The following IGF1R variants were observed in gnomAD, a reference collection of about 807,000 sequenced individuals.
IGF1R encodes the protein insulin like growth factor 1 receptor.
A neutral mutation model predicts 144.6 loss-of-function variants in IGF1R; 44 were observed. The ratio of observed to expected loss-of-function variants is 0.30; its 90% confidence interval spans 0.24 to 0.39. The LOEUF (loss-of-function observed/expected upper bound fraction) is 0.39, where lower values mean the gene tolerates loss of function less well. Ranked by LOEUF, IGF1R falls within the 10% of genes least tolerant of loss-of-function variation. IGF1R has a pLI of 1.00. For missense variants in IGF1R, 1,355 were observed against 1,833.7 expected, an observed-to-expected ratio of 0.74 and a Z score of 4.77; for synonymous variants, 795 against 722.8, an observed-to-expected ratio of 1.10 and a Z score of -1.60.
intron 2 of IGF1R, among the ~76,000 whole-genome samples, chr15:98,854,537 C>T (rs1443711723): frequency 6.6e-6 from 1 of 152,180 alleles, no homozygotes; most frequent in African/African-American, 2.4e-5. Flanking sequence ...CTCAGGGTGG[C>T]AGGGTGAATT....
intron 2 of IGF1R, among the ~76,000 whole-genome samples, chr15:98,816,546 C>T (rs1439543712): frequency 1.3e-5 from 2 of 152,186 alleles, no homozygotes; most frequent in Admixed American, 6.5e-5. Flanking sequence ...CAAAGTTGGG[C>T]TCTTGAGAAG....
rs754963187 is a variant in IGF1R, at chr15:98,801,681, A to T, written c.641-89644A>T. ...TTGGGAAGAGCATTCTGCATGAGGCATTGTAGCTATGTGTATGGAGTATAA... is the reference window on the plus strand; with the variant it reads ...TTGGGAAGAGCATTCTGCATGAGGCTTTGTAGCTATGTGTATGGAGTATAA... On this transcript the variant is annotated intron_variant, in intron 2 of 20. Coordinates refer to ENST00000650285, the MANE Select transcript of IGF1R (RefSeq NM_000875.5). Among the ~76,000 whole-genome samples the T allele has an allele frequency of 3.3e-5, 5 of 152,232 alleles. No individual in the cohort carries two copies. In the East Asian group the frequency reaches 9.6e-4, roughly 29 times the overall value.
chr15:98,702,894 GC>G (rs1367919023), intron 1 of IGF1R, among the ~76,000 whole-genome samples: 5 of 152,184 alleles, frequency 3.3e-5, no homozygotes, highest in Admixed American at 3.3e-4. Flanking sequence ...CCACGATTGT[GC>G]TGCAGCACTC....
intron 1 of IGF1R, among the ~76,000 whole-genome samples, chr15:98,690,216 A>G (rs972522144): frequency 1.3e-5 from 2 of 152,108 alleles, no homozygotes; most frequent in African/African-American, 4.8e-5. Context: ...GGTGGTGTGC[A>G]CCTGTAGTCC....
At chr15:98,906,781 A>G (rs190372682) in intron 5 of IGF1R, among the ~76,000 whole-genome samples, 1 of 152,326 alleles carries the variant, frequency 6.6e-6, no homozygotes, top group East Asian at 1.9e-4. Context: ...AGTTTTTGCT[A>G]CCGGTTTGGT....
At chr15:98,840,620 A>G (rs923696263) in intron 2 of IGF1R, among the ~76,000 whole-genome samples, 1 of 149,584 alleles carries the variant, frequency 6.7e-6, no homozygotes, top group Non-Finnish European at 1.5e-5. Flanking sequence ...CTGGCTAATT[A>G]TTTATAGAGA....
intron 1 of IGF1R, among the ~76,000 whole-genome samples, chr15:98,693,452 G>A (rs561304436): frequency 4.6e-5 from 7 of 152,308 alleles, no homozygotes; most frequent in Admixed American, 1.3e-4. Context: ...CTTCAGCCCT[G>A]CCTCCTGCTG....
intron 14 of IGF1R, 29 bp downstream of exon 14, chr15:98,929,689 T>G (rs760948805): frequency 3.0e-5 from 43 of 1,430,498 alleles, no homozygotes; most frequent in Non-Finnish European, 3.8e-5. Flanking sequence ...TATGACACTT[T>G]CTGTGGCTGA....
chr15:98,891,597 C>T lies in IGF1R; in HGVS notation c.913C>T (p.Gln305Ter), dbSNP rs2151644847. Reference protein sequence around the residue: ...GFVIHDGECMQECPSGFIRNG... With the variant: ...GFVIHDGECM Reference sequence around the variant, plus strand: ...TGTGATCCACGACGGCGAGTGCATGCAGGAGTGCCCCTCGGGCTTCATCCG... The same window carrying T: ...TGTGATCCACGACGGCGAGTGCATGTAGGAGTGCCCCTCGGGCTTCATCCG... Residue 305 changes from glutamine to a stop codon, truncating the protein, a stop_gained, in exon 3 of 21, where the codon CAG becomes TAG. Transcript: ENST00000650285. LOFTEE classifies it high-confidence loss of function. The surrounding 1 kb of genome is among the most constrained non-coding windows in gnomAD (Gnocchi z 4.7). 6.2e-7 allele frequency: 1 copy of T among 1,603,668 alleles called. No homozygotes were observed.
intron 2 of IGF1R, among the ~76,000 whole-genome samples, chr15:98,711,444 G>A (rs1596219886): frequency 1.3e-5 from 2 of 152,188 alleles, no homozygotes; most frequent in South Asian, 4.2e-4. Context: ...GTCTGGCAGC[G>A]TAGTAGACTC....
intron 2 of IGF1R, among the ~76,000 whole-genome samples, chr15:98,786,421 T>C (rs531395982): frequency 6.6e-6 from 1 of 152,320 alleles, no homozygotes; most frequent in South Asian, 2.1e-4. Context: ...CTCTAGATTT[T>C]TCTGGGACAG....
At chr15:98,794,353 T>A (rs556664786) in intron 2 of IGF1R, among the ~76,000 whole-genome samples, 2 of 152,136 alleles carry the variant, frequency 1.3e-5, no homozygotes, top group Non-Finnish European at 2.9e-5. Flanking sequence ...CATTCTGTAT[T>A]AGAATGGAGG....
chr15:98,855,575 C>CT (rs113604734), intron 2 of IGF1R, among the ~76,000 whole-genome samples: 4 of 152,284 alleles, frequency 2.6e-5, no homozygotes, highest in African/African-American at 9.6e-5. Flanking sequence ...GATTGATGTC[C>CT]TTTATTATAC....
intron 2 of IGF1R, among the ~76,000 whole-genome samples, chr15:98,862,855 A>G (rs550535847): frequency 6.6e-6 from 1 of 152,362 alleles, no homozygotes; most frequent in East Asian, 1.9e-4. Flanking sequence ...TACAAAGAGT[A>G]CCAGGAGTTC....
At chr15:98,660,488 T>G (rs1398508581) in intron 1 of IGF1R, 2 of 152,180 alleles carry the variant, frequency 1.3e-5, no homozygotes, top group African/African-American at 2.4e-5. Flanking sequence ...CAGTGCCTGG[T>G]GCATAGGAGG....
At position 98,911,397 on chromosome 15, in the gene IGF1R, T is replaced by C. The variant is rs145536065; in HGVS notation, c.1545T>C (p.Pro515=). ...TAACCTGGCACCGGTACCGGCCCCCTGACTACAGGGATCTCATCAGCTTCA... is the reference window on the plus strand; with the variant it reads ...TAACCTGGCACCGGTACCGGCCCCCCGACTACAGGGATCTCATCAGCTTCA... ...IIITWHRYRP[P]DYRDLISFTV... The change falls in exon 7 of 21, where the codon CCT becomes CCC. Residue 515 remains proline, a synonymous_variant. Transcript: ENST00000650285. 5 of 1,614,066 alleles carry C rather than the reference T, an allele frequency of 3.1e-6. No homozygotes were observed. Among genetic ancestry groups the C allele is most frequent in the Middle Eastern group, 1.6e-4 (1 of 6,082 alleles).
Position 98,922,267 on chromosome 15 carries a change from A to C in IGF1R, c.2321A>C (p.Glu774Ala), listed in dbSNP as rs779744226. ...NITDPEELET[E>A]YPFFESRVDN... ...ACCGACCCGGAAGAGCTGGAGACAGAGTACCCTTTCTTTGAGAGCAGAGTG... is the reference window on the plus strand; with the variant it reads ...ACCGACCCGGAAGAGCTGGAGACAGCGTACCCTTTCTTTGAGAGCAGAGTG... The change falls in exon 11 of 21, where the codon GAG (glutamate) becomes GCG (alanine). Residue 774 changes from glutamate (E) to alanine (A), a missense_variant. Around this residue, in one of 7 missense-constraint regions of IGF1R, gnomAD observed 880 missense variants for 1,202.7 expected, o/e 0.73. Coordinates refer to ENST00000650285, the MANE Select transcript of IGF1R (RefSeq NM_000875.5). 3 of 1,614,178 alleles carry C rather than the reference A, an allele frequency of 1.9e-6. No homozygotes were observed. The highest frequency in any genetic ancestry group is 1.7e-6 in the Non-Finnish European group (2 of 1,180,024).
intron 2 of IGF1R, among the ~76,000 whole-genome samples, chr15:98,833,376 T>G (rs1167104386): frequency 6.6e-6 from 1 of 152,240 alleles, no homozygotes. Flanking sequence ...TAGAGCGGGT[T>G]TGCAGGTAGA....
intron 2 of IGF1R, among the ~76,000 whole-genome samples, chr15:98,787,698 G>C (rs2056030163): frequency 6.6e-6 from 1 of 152,108 alleles, no homozygotes; most frequent in Non-Finnish European, 1.5e-5. Flanking sequence ...AACTGAAGTG[G>C]GTTCCACATT....
Sources: gnomAD v4.1 joint callset for allele counts (sites outside exome capture counted in the v4.1 genomes callset) on GRCh38, gnomAD v4.1.1 for gene constraint, gnomAD v4.1.1 regional missense constraint, Gnocchi (gnomAD v3.1) non-coding constraint, MANE v1.5 for transcripts, NCBI Gene and HGNC (gene_info 2026-07-23, HGNC 2026-07-21) for gene names.